The following CNTNAP2 variants were observed in gnomAD, a reference collection of about 807,000 sequenced individuals.
CNTNAP2 encodes the protein contactin-associated protein-like 2.
Under a neutral mutation model 155.2 loss-of-function variants are expected in CNTNAP2, and 98 were observed. The observed-to-expected ratio is 0.63, with a 90% CI of 0.54 to 0.75. CNTNAP2 has a LOEUF of 0.75. Ranked by LOEUF, CNTNAP2 falls within the 30% of genes least tolerant of loss-of-function variation. The pLI is 0.00. For synonymous variants in CNTNAP2, 651 were observed against 631.2 expected (o/e 1.03, Z -0.47); for missense variants, 1,727 against 1,688.1 (o/e 1.02, Z -0.40).
chr7:146,600,961 C>G (rs1421713222), intron 1 of CNTNAP2, among the ~76,000 whole-genome samples: 1 of 152,070 alleles, frequency 6.6e-6, no homozygotes, highest in African/African-American at 2.4e-5. Context: ...AATGAACTCC[C>G]TCTTGGGATG....
At chr7:148,203,565 T>G (rs910338930) in intron 18 of CNTNAP2, among the ~76,000 whole-genome samples, 9 of 152,010 alleles carry the variant, frequency 5.9e-5, no homozygotes, top group Non-Finnish European at 1.5e-5. Context: ...GCCAACAAGG[T>G]GAAATTCTGT....
intron 8 of CNTNAP2, among the ~76,000 whole-genome samples, chr7:147,201,572 C>T (rs796655890): frequency 2.0e-5 from 3 of 152,278 alleles, no homozygotes; most frequent in Non-Finnish European, 2.9e-5. Context: ...TAGAAAAAAG[C>T]TTCCCTAATG....
intron 1 of CNTNAP2, among the ~76,000 whole-genome samples, chr7:146,655,711 G>A (rs1364465332): frequency 6.6e-6 from 1 of 152,030 alleles, no homozygotes; most frequent in Non-Finnish European, 1.5e-5. Flanking sequence ...CTGACAAATA[G>A]TATTGGAAAA....
intron 10 of CNTNAP2, among the ~76,000 whole-genome samples, chr7:147,451,318 A>G (rs1465624520): frequency 6.6e-6 from 1 of 152,212 alleles, no homozygotes; most frequent in Admixed American, 6.5e-5. Flanking sequence ...TTTCTTGAGT[A>G]AAAGAACCAC....
chr7:146,912,122 C>T (rs1796296108), intron 3 of CNTNAP2, among the ~76,000 whole-genome samples: 1 of 150,120 alleles, frequency 6.7e-6, no homozygotes, highest in African/African-American at 2.5e-5. Context: ...TTTAATGAGT[C>T]ATTGAATATG....
At chr7:146,178,160 A>G (rs996873599) in intron 1 of CNTNAP2, among the ~76,000 whole-genome samples, 55 of 152,174 alleles carry the variant, frequency 3.6e-4, no homozygotes, top group African/African-American at 1.2e-3. Context: ...CAGCCTCCTG[A>G]GTAGCTGGGA....
intron 8 of CNTNAP2, among the ~76,000 whole-genome samples, chr7:147,277,712 A>G (rs1804929735): frequency 6.6e-6 from 1 of 151,848 alleles, no homozygotes; most frequent in Non-Finnish European, 1.5e-5. Context: ...CATCCTCCCA[A>G]GAAATCTGTT....
At chr7:146,351,025 G>C (rs1214929008) in intron 1 of CNTNAP2, among the ~76,000 whole-genome samples, 1 of 114,688 alleles carries the variant, frequency 8.7e-6, no homozygotes, top group Non-Finnish European at 1.7e-5. Context: ...TCTGGGGCTT[G>C]TTGTGGGGTG....
intron 15 of CNTNAP2, among the ~76,000 whole-genome samples, chr7:148,082,774 G>A (rs959093123): frequency 3.3e-5 from 5 of 152,128 alleles, no homozygotes; most frequent in East Asian, 1.9e-4. Context: ...CACCTCCTGC[G>A]TTCAAGCAAT....
At chr7:146,682,567 A>G (rs1800523431) in intron 1 of CNTNAP2, among the ~76,000 whole-genome samples, 1 of 152,152 alleles carries the variant, frequency 6.6e-6, no homozygotes, top group South Asian at 2.1e-4. Context: ...CTGGGAGAAA[A>G]TGCAAAGTAC....
chr7:146,565,303 T>A (rs1798340414), intron 1 of CNTNAP2, among the ~76,000 whole-genome samples: 1 of 152,140 alleles, frequency 6.6e-6, no homozygotes, highest in African/African-American at 2.4e-5. Flanking sequence ...TTGGTATAAT[T>A]TAGAGAAATT....
chr7:147,100,634 A>G (rs1368983376), intron 4 of CNTNAP2, among the ~76,000 whole-genome samples: 1 of 152,236 alleles, frequency 6.6e-6, no homozygotes, highest in African/African-American at 2.4e-5. Flanking sequence ...CATATCAGAC[A>G]CTCATAGTTG....
At chr7:147,223,968 A>T (rs1803465558) in intron 8 of CNTNAP2, among the ~76,000 whole-genome samples, 5 of 151,760 alleles carry the variant, frequency 3.3e-5, no homozygotes. Flanking sequence ...AAAGAAAGAA[A>T]AAAGAAAAGA....
chr7:148,130,132 G>A (rs1192921994), intron 16 of CNTNAP2, among the ~76,000 whole-genome samples: 1 of 152,188 alleles, frequency 6.6e-6, no homozygotes, highest in African/African-American at 2.4e-5. Context: ...CTCCCACTTA[G>A]TTAATGTCAT....
At chr7:146,451,252 C>A (rs1639472) in intron 1 of CNTNAP2, among the ~76,000 whole-genome samples, 4,570 of 152,226 alleles carry the variant, frequency 0.03, 228 homozygotes, top group African/African-American at 0.1. Flanking sequence ...AGCCATAAAA[C>A]TGTTTATTTC....
chr7:148,000,911 AT>A (rs1264074389), intron 15 of CNTNAP2, among the ~76,000 whole-genome samples: 2 of 152,144 alleles, frequency 1.3e-5, no homozygotes, highest in Non-Finnish European at 2.9e-5. Flanking sequence ...CTGGGGGAGG[AT>A]CCCCTTCTTG....
intron 4 of CNTNAP2, among the ~76,000 whole-genome samples, chr7:147,052,324 T>A (rs1324560827): frequency 1.3e-5 from 2 of 152,106 alleles, no homozygotes; most frequent in African/African-American, 2.4e-5. Flanking sequence ...ATCACTAGCA[T>A]CCCCTTAAAT....
chr7:146,137,442 G>A (rs982453293), intron 1 of CNTNAP2, among the ~76,000 whole-genome samples: 1 of 152,040 alleles, frequency 6.6e-6, no homozygotes, highest in Non-Finnish European at 1.5e-5. Context: ...CTTTTGAAAT[G>A]TCTGTGGCAT....
intron 15 of CNTNAP2, among the ~76,000 whole-genome samples, chr7:148,096,866 A>G (rs1803982538): frequency 6.6e-6 from 1 of 152,200 alleles, no homozygotes; most frequent in Non-Finnish European, 1.5e-5. Context: ...ATCCCTTAAT[A>G]TAACTCAAAT....
Sources: gnomAD v4.1 joint callset for allele counts (sites outside exome capture counted in the v4.1 genomes callset) on GRCh38, gnomAD v4.1.1 for gene constraint, MANE v1.5 for transcripts, NCBI Gene and HGNC (gene_info 2026-07-23, HGNC 2026-07-21) for gene names.